The following GALNTL6 variants were observed in gnomAD, a reference collection of about 807,000 sequenced individuals.
GALNTL6 encodes the protein polypeptide N-acetylgalactosaminyltransferase-like 6.
A neutral mutation model predicts 73.7 loss-of-function variants in GALNTL6; 46 were observed. The observed-to-expected ratio is 0.62, with a 90% CI of 0.49 to 0.80. GALNTL6 has a LOEUF of 0.80. GALNTL6 is among the 30% of genes least tolerant of loss of function. The pLI is 0.00. For synonymous variants in GALNTL6, 259 were observed against 263.7 expected (o/e 0.98, Z 0.17); for missense variants, 604 against 755.0 (o/e 0.80, Z 2.34).
At chr4:172,131,913 C>G (rs1194470501) in intron 2 of GALNTL6, among the ~76,000 whole-genome samples, 1 of 151,994 alleles carries the variant, frequency 6.6e-6, no homozygotes, top group Admixed American at 6.6e-5. Context: ...CTGTTCTTCT[C>G]ATGGCAGAGA....
chr4:171,899,508 G>A (rs185242307), intron 2 of GALNTL6, among the ~76,000 whole-genome samples: 60 of 152,016 alleles, frequency 3.9e-4, no homozygotes, highest in South Asian at 3.1e-3. Flanking sequence ...AATGTATCAC[G>A]GTCTAGTATT....
intron 7 of GALNTL6, among the ~76,000 whole-genome samples, chr4:172,827,956 G>T (rs1219718760): frequency 1.3e-5 from 2 of 151,896 alleles, no homozygotes; most frequent in East Asian, 3.9e-4. Context: ...AGGAAGAAAG[G>T]AAAGGCAATT....
Position 172,954,675 on chromosome 4 carries a change from C to G in GALNTL6, c.1371+2417C>G, listed in dbSNP as rs142024478. Reference sequence around the variant, plus strand: ...TAGAGACTAGGTCTCAATATGTTGCCCATGCTGATCTTGAACTCCTGGCCT... The same window carrying G: ...TAGAGACTAGGTCTCAATATGTTGCGCATGCTGATCTTGAACTCCTGGCCT... On this transcript the variant is annotated intron_variant, in intron 10 of 12. Coordinates refer to ENST00000506823, the MANE Select transcript of GALNTL6 (RefSeq NM_001034845.3). Among the ~76,000 whole-genome samples, 10 of 152,192 alleles carry G rather than the reference C, an allele frequency of 6.6e-5. No individual in the cohort carries two copies. The East Asian group carries it at 1.4e-3, about 21-fold the overall frequency.
chr4:172,203,424 T>C (rs534365011), intron 2 of GALNTL6, among the ~76,000 whole-genome samples: 4 of 152,278 alleles, frequency 2.6e-5, no homozygotes, highest in South Asian at 2.1e-4. Flanking sequence ...TCAGAAACGA[T>C]GGCGGTATTT....
At chr4:172,104,575 A>T (rs1732626233) in intron 2 of GALNTL6, among the ~76,000 whole-genome samples, 1 of 152,144 alleles carries the variant, frequency 6.6e-6, no homozygotes, top group Non-Finnish European at 1.5e-5. Flanking sequence ...GATTTGAAAG[A>T]TTATTTGAAT....
At chr4:172,531,160 A>G (rs1262098535) in intron 5 of GALNTL6, among the ~76,000 whole-genome samples, 1 of 152,200 alleles carries the variant, frequency 6.6e-6, no homozygotes, top group Non-Finnish European at 1.5e-5. Flanking sequence ...TTCAGTGAGA[A>G]TTCTGTTTCT....
rs115925104 is a variant in GALNTL6 at position 171,918,378 on chromosome 4, G to C, written c.138+103660G>C. ...AGCAAGAGATACAGTAATATGATGT[G>C]TCATGTTCTGACTGAGAGAAATCCA... On this transcript the variant is annotated intron_variant, in intron 2 of 12. Transcript: ENST00000506823. Among the ~76,000 whole-genome samples, 460 of 152,150 alleles carry C rather than the reference G, an allele frequency of 3.0e-3. 3 individuals are homozygous for C. Among genetic ancestry groups the C allele is most frequent in the African/African-American group, 0.01 (435 of 41,536 alleles).
At chr4:171,852,100 T>C (rs1164406849) in intron 2 of GALNTL6, among the ~76,000 whole-genome samples, 1 of 152,180 alleles carries the variant, frequency 6.6e-6, no homozygotes, top group Non-Finnish European at 1.5e-5. Flanking sequence ...TAGGAATATA[T>C]CAGAAAATAT....
At chr4:171,950,285 G>A (rs954819535) in intron 2 of GALNTL6, among the ~76,000 whole-genome samples, 1 of 152,074 alleles carries the variant, frequency 6.6e-6, no homozygotes, top group Non-Finnish European at 1.5e-5. Context: ...AAATGATAAG[G>A]AATGTACTTA....
chr4:172,443,849 G>A (rs992905006), intron 5 of GALNTL6, among the ~76,000 whole-genome samples: 1 of 152,192 alleles, frequency 6.6e-6, no homozygotes, highest in Non-Finnish European at 1.5e-5. Flanking sequence ...AAGGAAAGGT[G>A]TGGCCCGGAT....
chr4:172,699,914 A>T (rs976212221), intron 5 of GALNTL6, among the ~76,000 whole-genome samples: 2 of 152,282 alleles, frequency 1.3e-5, no homozygotes, highest in East Asian at 3.9e-4. Flanking sequence ...TGAGGCCTGT[A>T]ATAGGATGCA....
intron 2 of GALNTL6, among the ~76,000 whole-genome samples, chr4:171,853,159 A>G (rs1735572266): frequency 6.6e-6 from 1 of 151,554 alleles, no homozygotes; most frequent in African/African-American, 2.4e-5. Context: ...CACCGCGCCC[A>G]GCCAGATGTA....
chr4:172,614,116 T>TTATC (rs146699599), intron 5 of GALNTL6, among the ~76,000 whole-genome samples: 339 of 150,946 alleles, frequency 2.2e-3, no homozygotes, highest in Middle Eastern at 6.8e-3. Context: ...CACTCTGTCT[T>TTATC]TATCTATCTA....
At chr4:172,125,473 T>C (rs1430204284) in intron 2 of GALNTL6, among the ~76,000 whole-genome samples, 1 of 152,144 alleles carries the variant, frequency 6.6e-6, no homozygotes, top group African/African-American at 2.4e-5. Flanking sequence ...AGGAACCAAA[T>C]TGTTAGTTTT....
chr4:172,981,147 C>T (rs1751046975), intron 10 of GALNTL6, among the ~76,000 whole-genome samples: 1 of 152,182 alleles, frequency 6.6e-6, no homozygotes, highest in African/African-American at 2.4e-5. Context: ...CTTAATAATG[C>T]TGCTGTGTAC....
At chr4:172,167,742 A>T (rs1734673352) in intron 2 of GALNTL6, among the ~76,000 whole-genome samples, 1 of 150,340 alleles carries the variant, frequency 6.7e-6, no homozygotes, top group Non-Finnish European at 1.5e-5. Flanking sequence ...GTGGATCATG[A>T]GGTCAGGAGA....
At chr4:172,238,239 G>A (rs1229391959) in intron 3 of GALNTL6, among the ~76,000 whole-genome samples, 1 of 152,098 alleles carries the variant, frequency 6.6e-6, no homozygotes, top group Non-Finnish European at 1.5e-5. Context: ...TGAGCATGGA[G>A]TGTTTTCCCA....
chr4:172,470,465 A>G (rs1284047788), intron 5 of GALNTL6, among the ~76,000 whole-genome samples: 1 of 152,172 alleles, frequency 6.6e-6, no homozygotes, highest in African/African-American at 2.4e-5. Context: ...CATCAGCACA[A>G]TTCTACTCAA....
At chr4:172,652,955 G>T (rs1740544922) in intron 5 of GALNTL6, among the ~76,000 whole-genome samples, 1 of 152,004 alleles carries the variant, frequency 6.6e-6, no homozygotes, top group Non-Finnish European at 1.5e-5. Flanking sequence ...AATATTTGGT[G>T]TGTACTTTTA....
Sources: gnomAD v4.1 joint callset for allele counts (sites outside exome capture counted in the v4.1 genomes callset) on GRCh38, gnomAD v4.1.1 for gene constraint, MANE v1.5 for transcripts, NCBI Gene and HGNC (gene_info 2026-07-23, HGNC 2026-07-21) for gene names.